Variants in AGK observed in about 807,000 individuals in gnomAD.
AGK encodes the protein acylglycerol kinase.
AGK carries 52 observed loss-of-function variants against 66.4 expected under a neutral mutation model. The ratio of observed to expected loss-of-function variants is 0.78; its 90% CI spans 0.63 to 0.99. The LOEUF (loss-of-function observed/expected upper bound fraction) is 0.99. Among genes scored for constraint, AGK ranks in the 50% least tolerant of loss-of-function variants. The pLI, the probability that AGK is intolerant of heterozygous loss-of-function variation, is 0.00. For synonymous variants in AGK, 182 were observed against 181.1 expected, an observed-to-expected ratio of 1.00 and a Z score of -0.04; for missense variants, 451 against 506.6, an observed-to-expected ratio of 0.89 and a Z score of 1.05.
intron 5 of AGK, among the ~76,000 whole-genome samples, chr7:141,602,172 CTTGTGTGTGTGTGT>C (rs1562969877): frequency 1.4e-5 from 1 of 73,392 alleles, no homozygotes; most frequent in African/African-American, 3.7e-5. Flanking sequence ...GGGAGATTTT[CTTGTGTGTGTGTGT>C]GTGTGTGTGT....
intron 2 of AGK, among the ~76,000 whole-genome samples, chr7:141,588,298 CAGGGCG>C: frequency 6.6e-6 from 1 of 152,210 alleles, no homozygotes; most frequent in South Asian, 2.1e-4. Flanking sequence ...AGAAAGAATT[CAGGGCG>C]ACTCCATAGA....
rs116707720 is a variant in AGK, at chr7:141,644,322, T to G, written c.975+2414T>G. 5.0e-3 allele frequency among the ~76,000 whole-genome samples: 768 copies of G among 152,302 alleles called. 8 individuals are homozygous for G. The highest frequency in any genetic ancestry group is 0.018 in the African/African-American group (750 of 41,572). ...AGCCACACTCACAATGCCAAGTGCTTTTTATCTTTGTGCCTATTTAAAAGT... is the reference window on the plus strand; with the variant it reads ...AGCCACACTCACAATGCCAAGTGCTGTTTATCTTTGTGCCTATTTAAAAGT... On this transcript the variant is annotated intron_variant, in intron 13 of 15. Transcript: ENST00000649286.
intron 2 of AGK, among the ~76,000 whole-genome samples, chr7:141,556,656 C>T (rs1273620888): frequency 6.6e-6 from 1 of 152,048 alleles, no homozygotes; most frequent in African/African-American, 2.4e-5. Flanking sequence ...TTTCCTTTCA[C>T]AGTAGTAAGC....
intron 13 of AGK, among the ~76,000 whole-genome samples, chr7:141,643,614 T>C (rs570265423): frequency 1.3e-5 from 2 of 152,140 alleles, no homozygotes; most frequent in East Asian, 3.9e-4. Context: ...ATATAAAAAG[T>C]GAGCAAGGGG....
chr7:141,560,795 C>CTTT (rs71172604), intron 2 of AGK, among the ~76,000 whole-genome samples: 33 of 123,990 alleles, frequency 2.7e-4, no homozygotes, highest in East Asian at 1.6e-3. Context: ...GCCATTCTTT[C>CTTT]TTTTTTTTTT....
At chr7:141,564,002 CCAGG>C (rs1795407514) in intron 2 of AGK, among the ~76,000 whole-genome samples, 1 of 152,070 alleles carries the variant, frequency 6.6e-6, no homozygotes. Flanking sequence ...GCTCTGTCAC[CCAGG>C]CTGGAGTGCA....
intron 2 of AGK, among the ~76,000 whole-genome samples, chr7:141,579,285 A>G (rs1363058123): frequency 6.6e-6 from 1 of 152,052 alleles, no homozygotes; most frequent in Non-Finnish European, 1.5e-5. Flanking sequence ...AGTCCGTTCT[A>G]CCTTTTCTGA....
At chr7:141,649,559 T>C (rs1323702925) in intron 14 of AGK, among the ~76,000 whole-genome samples, 1 of 152,238 alleles carries the variant, frequency 6.6e-6, no homozygotes, top group Non-Finnish European at 1.5e-5. Context: ...GTCTTTGTTT[T>C]TCAATTGAAA....
At chr7:141,648,893 A>G (rs1797480830) in intron 13 of AGK, among the ~76,000 whole-genome samples, 1 of 152,180 alleles carries the variant, frequency 6.6e-6, no homozygotes, top group Non-Finnish European at 1.5e-5. Flanking sequence ...ATGTACAGTG[A>G]ACACTGAGAT....
At chr7:141,627,534 CA>C (rs1796965669) in intron 9 of AGK, among the ~76,000 whole-genome samples, 1 of 152,178 alleles carries the variant, frequency 6.6e-6, no homozygotes, top group Admixed American at 6.5e-5. Context: ...TGTATATTTA[CA>C]ACTGGTGAAC....
intron 13 of AGK, among the ~76,000 whole-genome samples, chr7:141,642,310 C>T (rs920696802): frequency 2.0e-5 from 3 of 152,146 alleles, no homozygotes; most frequent in Non-Finnish European, 2.9e-5. Flanking sequence ...GAAAAATACC[C>T]ACACACATAC....
chr7:141,622,884 T>A (rs569557573), intron 9 of AGK, among the ~76,000 whole-genome samples: 4 of 148,746 alleles, frequency 2.7e-5, no homozygotes, highest in Non-Finnish European at 5.9e-5. Context: ...CGAAACACCA[T>A]CTCTACTAAA....
intron 8 of AGK, among the ~76,000 whole-genome samples, chr7:141,618,194 C>G (rs1354167290): frequency 1.3e-5 from 2 of 152,138 alleles, no homozygotes; most frequent in Non-Finnish European, 2.9e-5. Flanking sequence ...GATGGGGAGG[C>G]CTGTAGAGCA....
chr7:141,571,565 G>T (rs2116878513), intron 2 of AGK, among the ~76,000 whole-genome samples: 1 of 152,262 alleles, frequency 6.6e-6, no homozygotes, highest in South Asian at 2.1e-4. Flanking sequence ...ATATTGTCTA[G>T]GTGTCCTGTT....
chr7:141,617,948 C>G (rs1195890862), intron 8 of AGK, among the ~76,000 whole-genome samples: 1 of 152,158 alleles, frequency 6.6e-6, no homozygotes, highest in African/African-American at 2.4e-5. Flanking sequence ...ATATTCCAAA[C>G]TGCTGCCTAC....
At chr7:141,611,531 A>G (rs973112830) in intron 6 of AGK, among the ~76,000 whole-genome samples, 6 of 152,212 alleles carry the variant, frequency 3.9e-5, no homozygotes, top group Admixed American at 3.9e-4. Flanking sequence ...GTTTGATAAT[A>G]TTGAATATAA....
At position 141,598,098 on chromosome 7, in the gene AGK, T is replaced by C. The variant is rs1796266620; in HGVS notation, c.221+1457T>C. Among the ~76,000 whole-genome samples the C allele has an allele frequency of 6.6e-6, 1 of 152,060 alleles. No individual in the cohort carries two copies. The highest frequency in any genetic ancestry group is 1.5e-5 in the Non-Finnish European group (1 of 68,024). On this transcript the variant is annotated intron_variant, in intron 4 of 15. Transcript: ENST00000649286. The surrounding 1 kb of genome is among the most constrained non-coding windows in gnomAD (Gnocchi z 4.2). ...TCTCTGAAGTCAGTTTTTCTAGTCATTTCTTGAGAGGCAGTGAGTGTGACT... is the reference window on the plus strand; with the variant it reads ...TCTCTGAAGTCAGTTTTTCTAGTCACTTCTTGAGAGGCAGTGAGTGTGACT...
chr7:141,557,973 A>T (rs1234308364), intron 2 of AGK, among the ~76,000 whole-genome samples: 1 of 151,714 alleles, frequency 6.6e-6, no homozygotes, highest in African/African-American at 2.4e-5. Context: ...CAAAACTGAA[A>T]CTCTGTACCC....
rs1797644475 is a variant in AGK at position 141,654,557 on chromosome 7, T to C, written c.*1633T>C. The C allele has an allele frequency of 1.3e-5, 2 of 152,250 alleles. No individual in the cohort carries two copies. The highest frequency in any genetic ancestry group is 2.9e-5 in the Non-Finnish European group (2 of 68,044). The allele number at this position is 152,250 out of a possible 1,614,324, so 9.4% of individuals were successfully genotyped here. ...TGAAAGCAGAGAACTGAAATCCACCTGATTTACCATGGCTTTGCCAGCCAG... is the reference window on the plus strand; with the variant it reads ...TGAAAGCAGAGAACTGAAATCCACCCGATTTACCATGGCTTTGCCAGCCAG... On this transcript the variant is annotated 3_prime_UTR_variant, in exon 16 of 16. Coordinates refer to ENST00000649286, the MANE Select transcript of AGK (RefSeq NM_018238.4).
Sources: gnomAD v4.1 joint callset for allele counts (sites outside exome capture counted in the v4.1 genomes callset) on GRCh38, gnomAD v4.1.1 for gene constraint, Gnocchi (gnomAD v3.1) non-coding constraint, MANE v1.5 for transcripts, NCBI Gene and HGNC (gene_info 2026-07-23, HGNC 2026-07-21) for gene names.